The following HRH1 variants were observed in gnomAD, a reference collection of about 807,000 sequenced individuals.
The protein encoded by HRH1 is histamine H1 receptor.
HRH1 carries 6 observed loss-of-function variants against 10.3 expected under a neutral mutation model. The ratio of observed to expected loss-of-function variants is 0.58; its 90% confidence interval spans 0.32 to 1.15. HRH1 has a LOEUF of 1.15. Among genes scored for constraint, HRH1 ranks in the 50% most tolerant of loss-of-function variants. The pLI, the probability that HRH1 is intolerant of heterozygous loss-of-function variation, is 0.05. For missense variants in HRH1, 514 were observed against 615.3 expected, an observed-to-expected ratio of 0.84 and a Z score of 1.74; for synonymous variants, 242 against 236.7, an observed-to-expected ratio of 1.02 and a Z score of -0.21.
intron 1 of HRH1, among the ~76,000 whole-genome samples, chr3:11,249,968 T>C (rs1041624945): frequency 6.6e-6 from 1 of 151,426 alleles, no homozygotes. Context: ...TTAGTAACAT[T>C]AATAATAAGA....
At position 11,154,802 on chromosome 3, in the gene HRH1, C is replaced by T. The variant is rs1195443103; in HGVS notation, c.-36+248C>T. On this transcript the variant is annotated intron_variant, in intron 1 of 1. Transcript: ENST00000431010. The surrounding 1 kb of genome is among the most constrained non-coding windows in gnomAD (Gnocchi z 4.4). ...GTGGCCTCAGCACTCGACGCGCAGA[C>T]ACCTTTAGCTTCCCCGGGCTTGGGC... Among the ~76,000 whole-genome samples the T allele has an allele frequency of 6.6e-6, 1 of 152,072 alleles. No homozygotes were observed. Among genetic ancestry groups the T allele is most frequent in the East Asian group, 1.9e-4 (1 of 5,148 alleles).
At chr3:11,164,492 C>T (rs765351639) in intron 1 of HRH1, among the ~76,000 whole-genome samples, 23 of 150,614 alleles carry the variant, frequency 1.5e-4, no homozygotes, top group Non-Finnish European at 1.5e-4. Context: ...CTGGAAACTC[C>T]TTGAGAGATG....
intron 1 of HRH1, among the ~76,000 whole-genome samples, chr3:11,138,892 G>A (rs1256118437): frequency 6.6e-6 from 1 of 150,588 alleles, no homozygotes; most frequent in East Asian, 1.9e-4. Context: ...CCAAGCTGGT[G>A]TCAAACTCCT....
In HRH1 at chr3:11,187,784, G is replaced by A. The variant is rs143700237; in HGVS notation, c.-36+33230G>A. The stretch of plus-strand genomic sequence containing the variant: ...GTGTTGTTGTAAACATGTAAACGTG[G>A]TGTACATTCTGTTTTCTGTCCTGCT... On this transcript the variant is annotated intron_variant, in intron 1 of 1. Coordinates refer to ENST00000431010, the MANE Select transcript of HRH1 (RefSeq NM_001098212.2). Among the ~76,000 whole-genome samples, 926 of 152,262 alleles carry A rather than the reference G, an allele frequency of 6.1e-3. 10 individuals carry two copies. Among genetic ancestry groups the A allele is most frequent in the African/African-American group, 0.021 (886 of 41,532 alleles).
intron 1 of HRH1, among the ~76,000 whole-genome samples, chr3:11,231,613 C>T (rs144608835): frequency 6.6e-6 from 1 of 152,272 alleles, no homozygotes; most frequent in Non-Finnish European, 1.5e-5. Flanking sequence ...TTTTCACATG[C>T]GGATGTGCCA....
intron 1 of HRH1, among the ~76,000 whole-genome samples, chr3:11,185,693 T>C (rs530903143): frequency 7.0e-4 from 107 of 152,290 alleles, no homozygotes; most frequent in African/African-American, 2.5e-3. Flanking sequence ...AAAATGGGGA[T>C]AATGACAGTC....
intron 1 of HRH1, among the ~76,000 whole-genome samples, chr3:11,195,832 C>G (rs1230165739): frequency 6.6e-6 from 1 of 152,200 alleles, no homozygotes; most frequent in Admixed American, 6.5e-5. Flanking sequence ...TTGTCCCCAC[C>G]CCAAACACGC....
Position 11,159,501 on chromosome 3 carries a change from C to A in HRH1, c.-36+4947C>A, listed in dbSNP as rs577471846. 2.0e-5 allele frequency among the ~76,000 whole-genome samples: 3 copies of A among 152,210 alleles called. No individual in the cohort carries two copies. The South Asian group carries it at 6.2e-4, about 32-fold the overall frequency. On this transcript the variant is annotated intron_variant, in intron 1 of 1. Coordinates refer to ENST00000431010, the MANE Select transcript of HRH1 (RefSeq NM_001098212.2). ...GGTCACATGATTTTTCTTTTTCAACCCGTTAACATGATGCATGACATCGAC... is the reference window on the plus strand; with the variant it reads ...GGTCACATGATTTTTCTTTTTCAACACGTTAACATGATGCATGACATCGAC...
At chr3:11,233,108 T>C in intron 1 of HRH1, among the ~76,000 whole-genome samples, 1 of 152,200 alleles carries the variant, frequency 6.6e-6, no homozygotes, top group Admixed American at 6.5e-5. Context: ...CCTGTTTGGT[T>C]AACAGCTTCT....
At chr3:11,192,941 C>T (rs1937577236) in intron 1 of HRH1, among the ~76,000 whole-genome samples, 1 of 152,184 alleles carries the variant, frequency 6.6e-6, no homozygotes, top group Non-Finnish European at 1.5e-5. Flanking sequence ...ACGTCATTCC[C>T]TCTTAGAGTC....
intron 1 of HRH1, among the ~76,000 whole-genome samples, chr3:11,178,717 C>A (rs1214607143): frequency 6.6e-6 from 1 of 152,298 alleles, no homozygotes; most frequent in East Asian, 1.9e-4. Context: ...TCAGGGTCCT[C>A]CTGTGGGATG....
At chr3:11,217,666 A>G (rs1349554682) in intron 1 of HRH1, among the ~76,000 whole-genome samples, 1 of 152,240 alleles carries the variant, frequency 6.6e-6, no homozygotes, top group Non-Finnish European at 1.5e-5. Flanking sequence ...AACAATATGA[A>G]TGTACTTAAC....
rs763876998 is a variant in HRH1 at position 11,208,305 on chromosome 3, A to G, written c.-35-50698A>G. ...GTAGCTGAAATTCCAGACATGTACCACTGCGCCCAGCTAATTTTTGTATTT... is the reference window on the plus strand; with the variant it reads ...GTAGCTGAAATTCCAGACATGTACCGCTGCGCCCAGCTAATTTTTGTATTT... On this transcript the variant is annotated intron_variant, in intron 1 of 1. Transcript: ENST00000431010. Among the ~76,000 whole-genome samples, 8 of 152,092 alleles carry G rather than the reference A, an allele frequency of 5.3e-5. No individual in the cohort carries two copies. The East Asian group carries it at 1.5e-3, about 29-fold the overall frequency.
chr3:11,224,465 C>T (rs185531506), intron 1 of HRH1, among the ~76,000 whole-genome samples: 8 of 152,174 alleles, frequency 5.3e-5, no homozygotes, highest in Non-Finnish European at 8.8e-5. Flanking sequence ...TGGGAGGCCG[C>T]GGCAGGCGGA....
intron 1 of HRH1, among the ~76,000 whole-genome samples, chr3:11,140,986 G>A (rs1936280612): frequency 6.6e-6 from 1 of 152,158 alleles, no homozygotes; most frequent in African/African-American, 2.4e-5. Context: ...CTCAAGGGCA[G>A]GGAAGGTGTT....
At chr3:11,212,424 A>G (rs1458258074) in intron 1 of HRH1, among the ~76,000 whole-genome samples, 1 of 152,078 alleles carries the variant, frequency 6.6e-6, no homozygotes, top group Non-Finnish European at 1.5e-5. Context: ...CAAAGGACAT[A>G]TTTCATGGAA....
At chr3:11,160,683 A>G (rs1936904748) in intron 1 of HRH1, among the ~76,000 whole-genome samples, 1 of 151,926 alleles carries the variant, frequency 6.6e-6, no homozygotes. Context: ...ACCAAATCAC[A>G]CTCAACTCCA....
At chr3:11,148,653 G>A (rs1029571805) in intron 1 of HRH1, among the ~76,000 whole-genome samples, 9 of 152,020 alleles carry the variant, frequency 5.9e-5, no homozygotes, top group East Asian at 1.9e-4. Flanking sequence ...TCCTTGTTCC[G>A]TTTACAGAGA....
intron 1 of HRH1, among the ~76,000 whole-genome samples, chr3:11,189,255 T>C (rs568428731): frequency 6.6e-6 from 1 of 152,332 alleles, no homozygotes; most frequent in Admixed American, 6.5e-5. Context: ...CTCAGACTTA[T>C]GTCATAGACC....
Sources: allele counts gnomAD v4.1 joint callset (sites outside exome capture counted in the v4.1 genomes callset), GRCh38; gene constraint gnomAD v4.1.1; non-coding constraint Gnocchi (gnomAD v3.1); transcripts MANE v1.5; gene names NCBI Gene and HGNC (gene_info 2026-07-23, HGNC 2026-07-21).